CPXM2: variants seen among roughly 807,000 people sequenced by gnomAD.
CPXM2 encodes the protein inactive carboxypeptidase-like protein X2.
In CPXM2, 66 loss-of-function variants were observed where a neutral mutation model predicts 86.1. That is an observed-to-expected ratio of 0.77 (90% CI 0.63 to 0.94). The LOEUF is 0.94. CPXM2 is among the 40% of genes least tolerant of loss of function. The pLI is 0.00. For synonymous variants in CPXM2, 388 were observed against 400.2 expected (o/e 0.97, Z 0.36); for missense variants, 948 against 1,026.3 (o/e 0.92, Z 1.04).
chr10:123,835,562 G>A (rs997048147), intron 4 of CPXM2, among the ~76,000 whole-genome samples: 59 of 152,160 alleles, frequency 3.9e-4, no homozygotes, highest in African/African-American at 1.2e-3. Flanking sequence ...GAAACTGACA[G>A]TTTTCAAAGA....
chr10:123,901,426 A>AATTT (rs1554891061), intron 2 of CPXM2, among the ~76,000 whole-genome samples: 2 of 58,128 alleles, frequency 3.4e-5, no homozygotes, highest in South Asian at 1.2e-3. Flanking sequence ...CATCCAAGCA[A>AATTT]GTTTGTGTGT....
Position 123,891,555 on chromosome 10 carries a change from A to G in CPXM2, c.105T>C (p.Tyr35=). The part of the protein sequence containing the change: ...AQGAALEDPD[Y]YGQEIWSREP... ...CCCGGCTCCAGATCTCCTGCCCGTA[A>G]TAATCAGGGTCCTCGAGGGCTGCGC... The change falls in exon 1 of 14, where the codon TAT becomes TAC. Residue 35 remains tyrosine (Y), a synonymous_variant. Coordinates refer to ENST00000241305, the MANE Select transcript of CPXM2 (RefSeq NM_198148.3). This position sits in a 1 kb window ranked among gnomAD's most constrained non-coding sequence, Gnocchi z 5.6. 1 of 1,547,978 alleles carries G rather than the reference A, an allele frequency of 6.5e-7. No individual in the cohort carries two copies. The highest frequency in any genetic ancestry group is 8.7e-7 in the Non-Finnish European group (1 of 1,145,452).
intron 3 of CPXM2, among the ~76,000 whole-genome samples, chr10:123,845,189 A>C (rs1258708231): frequency 6.6e-6 from 1 of 152,098 alleles, no homozygotes; most frequent in East Asian, 1.9e-4. Context: ...GATACTAGGC[A>C]CAGAGGAGGC....
At chr10:123,747,578 C>T (rs1845994402) in intron 13 of CPXM2, among the ~76,000 whole-genome samples, 1 of 152,188 alleles carries the variant, frequency 6.6e-6, no homozygotes, top group Admixed American at 6.5e-5. Context: ...GCCATCTATA[C>T]ATGGACGCTG....
intron 2 of CPXM2, among the ~76,000 whole-genome samples, chr10:123,937,265 A>G (rs1324293231): frequency 6.6e-6 from 1 of 152,154 alleles, no homozygotes; most frequent in Non-Finnish European, 1.5e-5. Flanking sequence ...CAGGAAAGTT[A>G]CAATTCCCCT....
rs116469915 is a variant in CPXM2, at chr10:123,831,419, G to A, written c.653+10930C>T. On this transcript the variant is annotated intron_variant, in intron 4 of 13. Transcript: ENST00000241305. ...GCTCCAGGACCCATGACCCAGTATC[G>A]GACAGCCAGGCATAGAGGAGGCTGG... 2.5e-3 allele frequency among the ~76,000 whole-genome samples: 379 copies of A among 152,340 alleles called. 2 individuals carry two copies. Among genetic ancestry groups the A allele is most frequent in the African/African-American group, 8.6e-3 (356 of 41,570 alleles).
chr10:123,853,369 C>T (rs543208868), intron 3 of CPXM2, among the ~76,000 whole-genome samples: 29 of 152,302 alleles, frequency 1.9e-4, no homozygotes, highest in South Asian at 1.0e-3. Flanking sequence ...ATTTGCCTCC[C>T]GCACTAGAAC....
In CPXM2 at chr10:123,799,610, C is replaced by T. The variant is rs536870381; in HGVS notation, c.654-411G>A. Among the ~76,000 whole-genome samples, 8 of 152,264 alleles carry T rather than the reference C, an allele frequency of 5.3e-5. No individual in the cohort carries two copies. In the South Asian group the frequency reaches 1.7e-3, roughly 32 times the overall value. ...AAATAATCTGGGTAAAGGTTGCAAACCGGTTTAAACATTTTGGTTAGGAAG... is the reference window on the plus strand; with the variant it reads ...AAATAATCTGGGTAAAGGTTGCAAATCGGTTTAAACATTTTGGTTAGGAAG... On this transcript the variant is annotated intron_variant, in intron 4 of 13. Coordinates refer to ENST00000241305, the MANE Select transcript of CPXM2 (RefSeq NM_198148.3).
chr10:123,886,830 T>C (rs1470973789), intron 1 of CPXM2: 2 of 152,250 alleles, frequency 1.3e-5, no homozygotes, highest in African/African-American at 4.8e-5. Flanking sequence ...GGATAAGTTC[T>C]ATAACTATGG....
chr10:123,892,577 C>T (rs1195469065), upstream of CPXM2, among the ~76,000 whole-genome samples: 3 of 152,214 alleles, frequency 2.0e-5, no homozygotes, highest in African/African-American at 7.2e-5. Context: ...GGGACTGCAT[C>T]GTTTCCCTTG....
At chr10:123,768,798 T>TG (rs1846557627) in intron 8 of CPXM2, 76 bp from the exon 9 acceptor site, 3 of 1,315,522 alleles carry the variant, frequency 2.3e-6, no homozygotes, top group Admixed American at 3.7e-5. Context: ...CACATTGTGT[T>TG]GGGGGGAAAG....
upstream of CPXM2, among the ~76,000 whole-genome samples, chr10:123,895,582 C>T (rs952649411): frequency 1.2e-4 from 19 of 152,362 alleles, no homozygotes; most frequent in East Asian, 1.9e-3. Flanking sequence ...GAGTCTTTCA[C>T]GGCATCAGCC....
At chr10:123,866,466 G>A (rs1848983802) in intron 2 of CPXM2, among the ~76,000 whole-genome samples, 1 of 152,054 alleles carries the variant, frequency 6.6e-6, no homozygotes, top group African/African-American at 2.4e-5. Flanking sequence ...TCGGGACGGC[G>A]AGGCAGGAGA....
intron 4 of CPXM2, among the ~76,000 whole-genome samples, chr10:123,831,212 A>G (rs187401344): frequency 4.1e-4 from 63 of 152,364 alleles, no homozygotes; most frequent in Admixed American, 1.4e-3. Flanking sequence ...GTTCCTAAAC[A>G]GCCCCAGTGC....
At chr10:123,859,196 C>G (rs1021747499) in intron 3 of CPXM2, among the ~76,000 whole-genome samples, 1 of 152,238 alleles carries the variant, frequency 6.6e-6, no homozygotes, top group Non-Finnish European at 1.5e-5. Flanking sequence ...TGGGGTTTCT[C>G]GATCACAAAA....
intron 6 of CPXM2, among the ~76,000 whole-genome samples, chr10:123,795,174 A>C (rs1434979962): frequency 2.0e-5 from 3 of 152,190 alleles, no homozygotes; most frequent in African/African-American, 7.2e-5. Context: ...CCTTGCTGTG[A>C]AACCACCAGC....
At position 123,746,418 on chromosome 10, in the gene CPXM2, AG is replaced by A. The variant is rs1489869608; in HGVS notation, c.*345del. On this transcript the variant is annotated 3_prime_UTR_variant, in exon 14 of 14. Transcript: ENST00000241305. Reference sequence around the variant, plus strand: ...GTGGAACCCTTGCTGCCACGCAAACAGGGGAAGCACCAGAATCCTTTTCTAT... The same window carrying A: ...GTGGAACCCTTGCTGCCACGCAAACAGGGAAGCACCAGAATCCTTTTCTAT... 9 of 284,956 alleles carry A rather than the reference AG, an allele frequency of 3.2e-5. No individual in the cohort carries two copies. Among genetic ancestry groups the A allele is most frequent in the Non-Finnish European group, 2.6e-5 (4 of 152,928 alleles). 17.7% of individuals were successfully genotyped at this position (284,956 alleles called of 1,614,324 possible).
chr10:123,925,009 T>G (rs1377338329), intron 2 of CPXM2, among the ~76,000 whole-genome samples: 2 of 152,210 alleles, frequency 1.3e-5, no homozygotes, highest in African/African-American at 4.8e-5. Context: ...ACATATATTT[T>G]TATTGTATCA....
At chr10:123,916,898 A>C (rs1345466642) in intron 2 of CPXM2, among the ~76,000 whole-genome samples, 1 of 151,958 alleles carries the variant, frequency 6.6e-6, no homozygotes, top group Non-Finnish European at 1.5e-5. Context: ...CTGCCTTGAT[A>C]ACCAGAGTAG....
Sources: allele counts gnomAD v4.1 joint callset (sites outside exome capture counted in the v4.1 genomes callset), GRCh38; gene constraint gnomAD v4.1.1; non-coding constraint Gnocchi (gnomAD v3.1); transcripts MANE v1.5; gene names NCBI Gene and HGNC (gene_info 2026-07-23, HGNC 2026-07-21).